ENKUR: variants seen among roughly 807,000 people sequenced by gnomAD.
ENKUR encodes the protein enkurin, TRPC channel interacting protein, also known as enkurin.
A neutral mutation model predicts 27.6 loss-of-function variants in ENKUR; 19 were observed. The observed-to-expected ratio is 0.69, with a 90% CI of 0.48 to 1.01. The LOEUF is 1.01. ENKUR is among the 50% of genes least tolerant of loss of function. The pLI, the probability that ENKUR is intolerant of heterozygous loss-of-function variation, is 0.00. For missense variants in ENKUR, 312 were observed against 310.5 expected (o/e 1.00, Z -0.04); for synonymous variants, 117 against 96.9 (o/e 1.21, Z -1.22).
At chr10:25,045,124 C>T (rs56041199) in intron 2 of ENKUR, among the ~76,000 whole-genome samples, 5,036 of 152,218 alleles carry the variant, frequency 0.033, 103 homozygotes, top group Non-Finnish European at 0.049. Context: ...TTTTTGCCGA[C>T]TTTTATTCAT....
Position 25,015,942 on chromosome 10 carries a change from C to A in ENKUR, c.-6G>T. 1 of 1,603,928 alleles carries A rather than the reference C, an allele frequency of 6.2e-7. No individual in the cohort carries two copies. The highest frequency in any genetic ancestry group is 8.5e-7 in the Non-Finnish European group (1 of 1,174,944). On this transcript the variant is annotated 5_prime_UTR_variant, in exon 1 of 6. Coordinates refer to ENST00000331161, the MANE Select transcript of ENKUR (RefSeq NM_145010.4). ...GAAGAGCACGTTGGATCCATGGCCA[C>A]CAAATGACTCCTTAAAAGCTACTCT...
At position 25,026,974 on chromosome 10, in the gene ENKUR, GTCTT is replaced by G. The variant is rs552667868; in HGVS notation, c.38-31109_38-31106del. On this transcript the variant is annotated intron_variant, in intron 2 of 5. Transcript: ENST00000615958. ...TTCAAAGTTACGTTTGTTCATGTAT[GTCTT>G]TATTATTTTATCATTTACTTTTAAG... Among the ~76,000 whole-genome samples, 201 of 152,188 alleles carry G rather than the reference GTCTT, an allele frequency of 1.3e-3. 1 individual carries two copies. The highest frequency in any genetic ancestry group is 4.5e-3 in the African/African-American group (187 of 41,530).
rs1211381549 is a variant in ENKUR at position 24,984,148 on chromosome 10, C to T, written c.*222G>A. The T allele has an allele frequency of 4.6e-6, 2 of 431,140 alleles. No homozygotes were observed. Among genetic ancestry groups the T allele is most frequent in the Non-Finnish European group, 8.1e-6 (2 of 248,234 alleles). 26.7% of individuals were successfully genotyped at this position (431,140 alleles called of 1,614,324 possible). A position where few individuals can be genotyped will look rare whatever the true frequency, so the allele number is the denominator to read the frequency against. The stretch of plus-strand genomic sequence containing the variant: ...TTTGTAAGTTGTCTTCTTAATTTTT[C>T]TTCCTCCAAATAGAAGCCTTTCATC... On this transcript the variant is annotated 3_prime_UTR_variant, in exon 6 of 6. Transcript: ENST00000331161.
chr10:25,015,098 G>A (rs1243545951), intron 1 of ENKUR, among the ~76,000 whole-genome samples: 2 of 152,176 alleles, frequency 1.3e-5, no homozygotes, highest in Non-Finnish European at 2.9e-5. Context: ...GGAGAAATGA[G>A]ATTTTCTCCA....
upstream of ENKUR, among the ~76,000 whole-genome samples, chr10:25,020,832 C>T (rs1850705215): frequency 6.6e-6 from 1 of 151,754 alleles, no homozygotes; most frequent in African/African-American, 2.4e-5. Flanking sequence ...TTATGTATTG[C>T]AAACTCAAAA....
chr10:24,988,077 A>C lies in ENKUR; in HGVS notation c.594+2386T>G, dbSNP rs192800454. ...CTTTACTAAAAAATACAAAAAAATT[A>C]GGTGGGCGTGGTGGTGCATGCCTGT... On this transcript the variant is annotated intron_variant, in intron 4 of 5. Coordinates refer to ENST00000331161, the MANE Select transcript of ENKUR (RefSeq NM_145010.4). Among the ~76,000 whole-genome samples, 427 of 151,832 alleles carry C rather than the reference A, an allele frequency of 2.8e-3. 4 individuals carry two copies. Among genetic ancestry groups the C allele is most frequent in the African/African-American group, 9.0e-3 (373 of 41,386 alleles).
At chr10:25,039,869 A>G (rs1017235526) in intron 2 of ENKUR, among the ~76,000 whole-genome samples, 2 of 151,962 alleles carry the variant, frequency 1.3e-5, no homozygotes, top group African/African-American at 4.8e-5. Flanking sequence ...GCATGGGTGC[A>G]GCACACCAAC....
intron 2 of ENKUR, among the ~76,000 whole-genome samples, chr10:25,036,256 C>T (rs1851006558): frequency 6.6e-6 from 1 of 152,110 alleles, no homozygotes. Context: ...TAATAAGTCT[C>T]ACGAGATCTG....
At chr10:25,025,127 C>T in intron 2 of ENKUR, 1 of 1,614,024 alleles carries the variant, frequency 6.2e-7, no homozygotes, top group East Asian at 2.2e-5. Context: ...TATAATACTT[C>T]AGGGTATATT....
chr10:25,023,744 T>C, intron 2 of ENKUR: 1 of 1,614,002 alleles, frequency 6.2e-7, no homozygotes, highest in Non-Finnish European at 8.5e-7. Flanking sequence ...GATAGGATTG[T>C]AGGTCAGAAT....
chr10:25,031,555 G>C (rs967667531), intron 2 of ENKUR, among the ~76,000 whole-genome samples: 8 of 152,086 alleles, frequency 5.3e-5, no homozygotes, highest in African/African-American at 1.9e-4. Context: ...GGGGTAGTTT[G>C]TTATAAAATA....
At chr10:25,041,223 T>C (rs1372419144) in intron 2 of ENKUR, among the ~76,000 whole-genome samples, 5 of 152,244 alleles carry the variant, frequency 3.3e-5, no homozygotes, top group Admixed American at 3.3e-4. Flanking sequence ...CACTGTCTTC[T>C]GGTTTCTATG....
intron 2 of ENKUR, among the ~76,000 whole-genome samples, chr10:25,036,634 T>A (rs755557272): frequency 6.6e-6 from 1 of 152,198 alleles, no homozygotes; most frequent in Non-Finnish European, 1.5e-5. Flanking sequence ...ACTTCAAGCT[T>A]GCACACCTAA....
intron 2 of ENKUR, among the ~76,000 whole-genome samples, chr10:25,053,235 G>A (rs953041193): frequency 6.6e-6 from 1 of 152,124 alleles, no homozygotes; most frequent in Non-Finnish European, 1.5e-5. Context: ...TATACAAGGT[G>A]GAATGGTAAA....
At chr10:25,033,401 C>CAAAAAAAAAAAAA (rs34472195) in intron 2 of ENKUR, among the ~76,000 whole-genome samples, 3 of 59,994 alleles carry the variant, frequency 5.0e-5, no homozygotes, top group African/African-American at 2.2e-4. Context: ...AAGACCTCGT[C>CAAAAAAAAAAAAA]AAAAAAAAAA....
intron 2 of ENKUR, among the ~76,000 whole-genome samples, chr10:25,034,573 T>C (rs978498969): frequency 6.6e-6 from 1 of 152,216 alleles, no homozygotes; most frequent in African/African-American, 2.4e-5. Context: ...ATTACCTTTT[T>C]TCTGGAACCA....
chr10:24,988,085 G>A (rs536516874), intron 4 of ENKUR, among the ~76,000 whole-genome samples: 3 of 151,642 alleles, frequency 2.0e-5, no homozygotes, highest in African/African-American at 4.9e-5. Context: ...TTAGGTGGGC[G>A]TGGTGGTGCA....
At position 24,984,219 on chromosome 10, in the gene ENKUR, CT is replaced by C. The variant is rs768731026; in HGVS notation, c.*150del. Reference sequence around the variant, plus strand: ...TGAAAATATTTCTCACTGGGAATAACTGCAAATGTCATGGGCCACAGGAAAA... The same window carrying C: ...TGAAAATATTTCTCACTGGGAATAACGCAAATGTCATGGGCCACAGGAAAA... On this transcript the variant is annotated 3_prime_UTR_variant, in exon 6 of 6. Transcript: ENST00000331161. The C allele has an allele frequency of 1.5e-5, 12 of 794,618 alleles. No individual in the cohort carries two copies. Among genetic ancestry groups the C allele is most frequent in the African/African-American group, 5.2e-5 (3 of 57,738 alleles). 49.2% of individuals were successfully genotyped at this position (794,618 alleles called of 1,614,324 possible). A position where few individuals can be genotyped will look rare whatever the true frequency, so the allele number is the denominator to read the frequency against.
At chr10:25,024,517 G>C in intron 2 of ENKUR, 1 of 1,614,188 alleles carries the variant, frequency 6.2e-7, no homozygotes, top group South Asian at 1.1e-5. Flanking sequence ...ATGGGCAGTG[G>C]GTGTTGAGTC....
Sources: allele counts gnomAD v4.1 joint callset (sites outside exome capture counted in the v4.1 genomes callset), GRCh38; gene constraint gnomAD v4.1.1; transcripts MANE v1.5; gene names NCBI Gene and HGNC (gene_info 2026-07-23, HGNC 2026-07-21).